The following MYRIP variants were observed in gnomAD, a reference collection of about 807,000 sequenced individuals.
MYRIP encodes the protein myosin VIIA and Rab interacting protein, also known as rab effector MyRIP.
A neutral mutation model predicts 98.0 loss-of-function variants in MYRIP; 49 were observed. The observed-to-expected ratio is 0.50, with a 90% CI of 0.40 to 0.63. The LOEUF is 0.63. MYRIP is among the 30% of genes least tolerant of loss of function. The pLI is 0.00. For synonymous variants in MYRIP, 404 were observed against 409.5 expected, an observed-to-expected ratio of 0.99 and a Z score of 0.16; for missense variants, 1,004 against 1,058.2, an observed-to-expected ratio of 0.95 and a Z score of 0.71.
At chr3:39,828,258 G>T (rs1482754747) in intron 1 of MYRIP, among the ~76,000 whole-genome samples, 2 of 151,846 alleles carry the variant, frequency 1.3e-5, no homozygotes, top group African/African-American at 2.4e-5. Flanking sequence ...CATAAATTCT[G>T]TAGGCCTTCT....
chr3:39,928,661 A>G (rs747471822), intron 2 of MYRIP, among the ~76,000 whole-genome samples: 14 of 150,830 alleles, frequency 9.3e-5, no homozygotes, highest in Non-Finnish European at 2.1e-4. Context: ...AAAAAAAAAA[A>G]TAGGAATAGA....
chr3:39,852,226 A>C (rs927982219), intron 1 of MYRIP, among the ~76,000 whole-genome samples: 4 of 152,164 alleles, frequency 2.6e-5, no homozygotes, highest in African/African-American at 9.7e-5. Flanking sequence ...CCCAGTCTGC[A>C]GTTCTGCCCA....
chr3:40,163,007 A>C (rs1456032660), intron 5 of MYRIP, 197 bp downstream of exon 5: 1 of 505,508 alleles, frequency 2.0e-6, no homozygotes, highest in Non-Finnish European at 3.5e-6. Context: ...TATATCCAAA[A>C]TGTGGCCAAG....
chr3:40,175,071 G>A (rs1575597092), intron 8 of MYRIP, among the ~76,000 whole-genome samples: 1 of 152,134 alleles, frequency 6.6e-6, no homozygotes, highest in Admixed American at 6.5e-5. Flanking sequence ...AACCTGGGAG[G>A]TGGAGATTGC....
At chr3:40,223,186 C>T (rs1952385106) in intron 11 of MYRIP, among the ~76,000 whole-genome samples, 1 of 152,078 alleles carries the variant, frequency 6.6e-6, no homozygotes, top group Admixed American at 6.5e-5. Context: ...TAATGCAATG[C>T]AAATCAAAAT....
At chr3:40,210,822 C>T (rs1356522206) in intron 11 of MYRIP, among the ~76,000 whole-genome samples, 1 of 152,112 alleles carries the variant, frequency 6.6e-6, no homozygotes, top group African/African-American at 2.4e-5. Context: ...AAGAATCCCA[C>T]ACTCCCTCCC....
At chr3:40,047,101 C>T (rs1947685657) in intron 3 of MYRIP, among the ~76,000 whole-genome samples, 1 of 152,204 alleles carries the variant, frequency 6.6e-6, no homozygotes, top group Admixed American at 6.5e-5. Flanking sequence ...AGAACCTTGC[C>T]TCGCAAAAGC....
intron 1 of MYRIP, among the ~76,000 whole-genome samples, chr3:39,856,916 A>G (rs1352900407): frequency 1.3e-5 from 2 of 152,170 alleles, no homozygotes; most frequent in Non-Finnish European, 2.9e-5. Context: ...AAAAAACACT[A>G]AAGAAATAAA....
At chr3:40,131,273 T>C (rs1473573846) in intron 3 of MYRIP, among the ~76,000 whole-genome samples, 2 of 152,222 alleles carry the variant, frequency 1.3e-5, no homozygotes, top group African/African-American at 4.8e-5. Context: ...TTACATTCTG[T>C]ACCAACTCTT....
At chr3:40,066,247 A>T (rs539403012) in intron 3 of MYRIP, among the ~76,000 whole-genome samples, 1 of 152,202 alleles carries the variant, frequency 6.6e-6, no homozygotes, top group South Asian at 2.1e-4. Flanking sequence ...CCCTTGTATC[A>T]GGTGAATATG....
chr3:39,987,170 A>G (rs1415038569), intron 2 of MYRIP, among the ~76,000 whole-genome samples: 2 of 151,932 alleles, frequency 1.3e-5, no homozygotes, highest in African/African-American at 4.8e-5. Context: ...CCTCTACCCC[A>G]CGACTGGCCC....
At chr3:39,811,192 C>T (rs535357111) in intron 1 of MYRIP, among the ~76,000 whole-genome samples, 81 of 152,264 alleles carry the variant, frequency 5.3e-4, no homozygotes, top group African/African-American at 1.9e-3. Flanking sequence ...TCAGCCTCCC[C>T]CACCCCAACT....
rs374787366 is a variant in MYRIP, at chr3:39,938,167, G to A, written c.110+37241G>A. ...CTGCCTTTTAATCACTATTCACCAA[G>A]GATAATGCCAGCCTTGAATTCTAGT... On this transcript the variant is annotated intron_variant, in intron 2 of 16. Transcript: ENST00000302541. Among the ~76,000 whole-genome samples, 81 of 152,180 alleles carry A rather than the reference G, an allele frequency of 5.3e-4. 2 individuals carry two copies. In the South Asian group the frequency reaches 0.015, roughly 29 times the overall value.
chr3:40,115,303 G>A (rs1163998405), intron 3 of MYRIP, among the ~76,000 whole-genome samples: 1 of 152,124 alleles, frequency 6.6e-6, no homozygotes, highest in Non-Finnish European at 1.5e-5. Context: ...AGAAATACCT[G>A]AGACTGGGTA....
intron 6 of MYRIP, 27 bp downstream of exon 6, chr3:40,166,970 G>A (rs757050647): frequency 9.0e-6 from 14 of 1,561,084 alleles, no homozygotes; most frequent in East Asian, 2.2e-5. Flanking sequence ...TCCTCTCTGT[G>A]GGGGGAGGTG....
rs75729525 is a variant in MYRIP, at chr3:40,250,434, T to G, written c.2368-5T>G. On this transcript the variant is annotated splice_region_variant and splice_polypyrimidine_tract_variant and intron_variant, in intron 14 of 16. Coordinates refer to ENST00000302541, the MANE Select transcript of MYRIP (RefSeq NM_015460.4). ...GGTATATTGCTCATTGTGTTCTGTT[T>G]GTAGGTACAAACCATAGATACATCA... 2.0e-4 allele frequency: 330 copies of G among 1,614,194 alleles called. 1 individual carries two copies. Among genetic ancestry groups the G allele is most frequent in the Admixed American group, 6.8e-4 (41 of 60,028 alleles).
intron 1 of MYRIP, among the ~76,000 whole-genome samples, chr3:39,848,831 A>G (rs1942046478): frequency 6.6e-6 from 1 of 152,168 alleles, no homozygotes; most frequent in East Asian, 1.9e-4. Flanking sequence ...GTGTTGCTAA[A>G]TTTTTATGCC....
chr3:40,051,058 AT>A (rs1253036207), intron 3 of MYRIP, among the ~76,000 whole-genome samples: 13 of 152,222 alleles, frequency 8.5e-5, no homozygotes, highest in Non-Finnish European at 1.5e-4. Context: ...TGACAAAAAA[AT>A]GATTTAGAAT....
At chr3:40,111,325 A>T (rs911193757) in intron 3 of MYRIP, among the ~76,000 whole-genome samples, 1 of 152,206 alleles carries the variant, frequency 6.6e-6, no homozygotes, top group Non-Finnish European at 1.5e-5. Flanking sequence ...CCATCTCTTG[A>T]TCAGCTTCTT....
Sources: allele counts gnomAD v4.1 joint callset (sites outside exome capture counted in the v4.1 genomes callset), GRCh38; gene constraint gnomAD v4.1.1; transcripts MANE v1.5; gene names NCBI Gene and HGNC (gene_info 2026-07-23, HGNC 2026-07-21).